The following PPARGC1A variants were observed in gnomAD, a reference collection of about 807,000 sequenced individuals.
PPARGC1A encodes PPARG coactivator 1 alpha.
PPARGC1A carries 25 observed loss-of-function variants against 88.7 expected under a neutral mutation model. That is an observed-to-expected ratio of 0.28 (90% CI 0.21 to 0.39). The LOEUF (loss-of-function observed/expected upper bound fraction) is 0.39, where lower values mean the gene tolerates loss of function less well. Ranked by LOEUF, PPARGC1A falls within the 10% of genes least tolerant of loss-of-function variation. PPARGC1A has a pLI of 1.00. For missense variants in PPARGC1A, 880 were observed against 968.7 expected, an observed-to-expected ratio of 0.91 and a Z score of 1.22; for synonymous variants, 363 against 355.6, an observed-to-expected ratio of 1.02 and a Z score of -0.24.
At chr4:24,296,270 A>G in the PPARGC1A span, among the ~76,000 whole-genome samples, 1 of 151,704 alleles carries the variant, frequency 6.6e-6, no homozygotes, top group African/African-American at 2.4e-5. Flanking sequence ...TGAACAACAA[A>G]TAATTGTTTA....
At chr4:23,955,820 T>TA in the PPARGC1A span, among the ~76,000 whole-genome samples, 11 of 152,228 alleles carry the variant, frequency 7.2e-5, no homozygotes, top group African/African-American at 2.6e-4. Flanking sequence ...TTTAAGTAAC[T>TA]AATTACATAT....
chr4:24,047,294 T>C, the PPARGC1A span, among the ~76,000 whole-genome samples: 1 of 152,214 alleles, frequency 6.6e-6, no homozygotes, highest in African/African-American at 2.4e-5. Context: ...ATTTGTTTAT[T>C]CTCATTGCCA....
intron 2 of PPARGC1A, among the ~76,000 whole-genome samples, chr4:23,859,945 A>C (rs1261409069): frequency 6.6e-6 from 1 of 152,180 alleles, no homozygotes; most frequent in Non-Finnish European, 1.5e-5. Context: ...TGGGGACCTG[A>C]AAAAGGGCTT....
the PPARGC1A span, among the ~76,000 whole-genome samples, chr4:24,227,744 AT>A: frequency 2.0e-5 from 3 of 152,286 alleles, no homozygotes; most frequent in African/African-American, 7.2e-5. Context: ...TGAGCCTAAG[AT>A]TCCAGCATCC....
At chr4:24,446,818 T>G in the PPARGC1A span, among the ~76,000 whole-genome samples, 5 of 152,114 alleles carry the variant, frequency 3.3e-5, no homozygotes, top group Admixed American at 3.3e-4. Flanking sequence ...CAGGCTGGTC[T>G]CAAACTCCTG....
the PPARGC1A span, among the ~76,000 whole-genome samples, chr4:24,266,173 T>A: frequency 6.6e-6 from 1 of 152,216 alleles, no homozygotes; most frequent in Non-Finnish European, 1.5e-5. Flanking sequence ...ACAGGGACAC[T>A]GCAGCATTTT....
the PPARGC1A span, among the ~76,000 whole-genome samples, chr4:24,051,886 C>G: frequency 6.8e-6 from 1 of 146,968 alleles, no homozygotes; most frequent in Admixed American, 6.9e-5. Flanking sequence ...ATGGAAGAAA[C>G]TTGGTAAATG....
the PPARGC1A span, among the ~76,000 whole-genome samples, chr4:24,344,744 G>T: frequency 6.6e-6 from 1 of 152,000 alleles, no homozygotes; most frequent in East Asian, 1.9e-4. Context: ...CCATGCAAAA[G>T]CCCTTTAGTT....
At chr4:24,069,421 A>G in the PPARGC1A span, among the ~76,000 whole-genome samples, 90 of 152,318 alleles carry the variant, frequency 5.9e-4, 2 homozygotes, top group South Asian at 0.017. Context: ...TTTCATGAAG[A>G]CTTTTCTAGA....
chr4:24,438,488 T>TC, the PPARGC1A span, among the ~76,000 whole-genome samples: 2 of 152,334 alleles, frequency 1.3e-5, no homozygotes, highest in South Asian at 4.1e-4. Context: ...TAAAGTTTAT[T>TC]CCCAATAATA....
chr4:24,439,293 C>T, the PPARGC1A span, among the ~76,000 whole-genome samples: 11 of 152,168 alleles, frequency 7.2e-5, 1 homozygote, highest in Non-Finnish European at 1.2e-4. Context: ...GTAAGAGAAC[C>T]ATTTTCATCT....
chr4:24,072,046 C>T, the PPARGC1A span, among the ~76,000 whole-genome samples: 2 of 150,792 alleles, frequency 1.3e-5, no homozygotes, highest in African/African-American at 4.9e-5. Flanking sequence ...AAATAGGGCT[C>T]AAAATGGAAA....
intron 2 of PPARGC1A, among the ~76,000 whole-genome samples, chr4:23,844,777 ATATAT>A (rs1490515474): frequency 8.2e-6 from 1 of 121,626 alleles, no homozygotes; most frequent in South Asian, 2.2e-4. Flanking sequence ...AATATATGAT[ATATAT>A]TATAATAATA....
chr4:23,976,086 G>A, the PPARGC1A span, among the ~76,000 whole-genome samples: 1 of 152,188 alleles, frequency 6.6e-6, no homozygotes, highest in Non-Finnish European at 1.5e-5. Flanking sequence ...CGCCATACAA[G>A]TAAGTCAGGT....
the PPARGC1A span, among the ~76,000 whole-genome samples, chr4:24,065,211 T>C: frequency 6.6e-6 from 1 of 152,082 alleles, no homozygotes; most frequent in Non-Finnish European, 1.5e-5. Context: ...GTCCCTGCAT[T>C]GGAGCCTGCC....
At chr4:24,120,746 C>A in the PPARGC1A span, among the ~76,000 whole-genome samples, 1 of 152,100 alleles carries the variant, frequency 6.6e-6, no homozygotes, top group African/African-American at 2.4e-5. Context: ...ATGGAGACCC[C>A]TTCCCCTTTC....
the PPARGC1A span, among the ~76,000 whole-genome samples, chr4:24,166,061 G>A: frequency 6.6e-6 from 1 of 152,204 alleles, no homozygotes. Flanking sequence ...AATTAAAAGT[G>A]CTACTCCAGT....
upstream of PPARGC1A, among the ~76,000 whole-genome samples, chr4:23,900,438 A>G (rs1719199975): frequency 1.3e-5 from 2 of 152,206 alleles, no homozygotes; most frequent in Admixed American, 1.3e-4. Context: ...CAAGCACTTC[A>G]TCTACAAAAA....
the PPARGC1A span, among the ~76,000 whole-genome samples, chr4:23,957,520 G>T: frequency 6.6e-6 from 1 of 152,098 alleles, no homozygotes; most frequent in East Asian, 1.9e-4. Flanking sequence ...ATAAAGAAGG[G>T]ATTGAAACAT....
Sources: gnomAD v4.1 joint callset for allele counts (sites outside exome capture counted in the v4.1 genomes callset) on GRCh38, gnomAD v4.1.1 for gene constraint, MANE v1.5 for transcripts, NCBI Gene and HGNC (gene_info 2026-07-23, HGNC 2026-07-21) for gene names.